PCDHGB3: variants seen among roughly 807,000 people sequenced by gnomAD.
PCDHGB3 encodes protocadherin gamma subfamily B, 3, also known as protocadherin gamma-B3.
PCDHGB3 carries 40 observed loss-of-function variants against 59.2 expected under a neutral mutation model. The ratio of observed to expected loss-of-function variants is 0.68; its 90% confidence interval spans 0.52 to 0.88. PCDHGB3 has a LOEUF of 0.88. PCDHGB3 is among the 40% of genes least tolerant of loss of function. The pLI, the probability that PCDHGB3 is intolerant of heterozygous loss-of-function variation, is 0.00. For synonymous variants in PCDHGB3, 581 were observed against 503.6 expected (o/e 1.15, Z -2.06); for missense variants, 1,309 against 1,187.9 (o/e 1.10, Z -1.50).
rs1281337319 is a variant in PCDHGB3, at chr5:141,393,186, G to A, written c.2415+20377G>A. ...CTTTGGGGTAGAAATAGAAATAATT[G>A]ATATTAACGATAATAACCCAAAATT... On this transcript the variant is annotated intron_variant, in intron 1 of 3. Transcript: ENST00000576222. 1.2e-6 allele frequency: 2 copies of A among 1,613,188 alleles called. No homozygotes were observed. The highest frequency in any genetic ancestry group is 3.3e-5 in the Admixed American group (2 of 59,998).
intron 1 of PCDHGB3, among the ~76,000 whole-genome samples, chr5:141,455,460 A>G (rs1175234914): frequency 1.3e-5 from 2 of 152,186 alleles, no homozygotes; most frequent in Non-Finnish European, 2.9e-5. Flanking sequence ...GATACCAGCC[A>G]GGTATATATG....
At position 141,494,854 on chromosome 5, in the gene PCDHGB3, C is replaced by T. The variant is rs1353498253; in HGVS notation, c.2463C>T (p.Pro821=). ...TDWRFSQAQR[P]GTSGSQNGDD... The stretch of plus-strand genomic sequence containing the variant: ...GGCGTTTCTCTCAGGCCCAGAGACC[C>T]GGCACCAGCGGGTAGGTGACTGATT... The change falls in exon 2 of 4, where the codon CCC becomes CCT. Residue 821 remains proline (P), a synonymous_variant. Coordinates refer to ENST00000576222, the MANE Select transcript of PCDHGB3 (RefSeq NM_018924.5). 1.2e-6 allele frequency: 2 copies of T among 1,614,120 alleles called. No homozygotes were observed. Among genetic ancestry groups the T allele is most frequent in the East Asian group, 2.2e-5 (1 of 44,870 alleles).
intron 1 of PCDHGB3, chr5:141,382,835 CG>C: frequency 7.0e-7 from 1 of 1,431,186 alleles, no homozygotes. Context: ...GGGGTCCACC[CG>C]GATACACCCG....
At chr5:141,454,666 A>G (rs1561955978) in intron 1 of PCDHGB3, among the ~76,000 whole-genome samples, 1 of 152,104 alleles carries the variant, frequency 6.6e-6, no homozygotes, top group Non-Finnish European at 1.5e-5. Context: ...TCGGCCTCCC[A>G]AAACACTGGG....
At chr5:141,394,733 G>A (rs1353984219) in intron 1 of PCDHGB3, 1 of 1,613,324 alleles carries the variant, frequency 6.2e-7, no homozygotes, top group South Asian at 1.1e-5. Flanking sequence ...CGCTCAAGCA[G>A]AGCCTCGTGG....
chr5:141,467,371 A>G, intron 1 of PCDHGB3, among the ~76,000 whole-genome samples: 1 of 151,906 alleles, frequency 6.6e-6, no homozygotes, highest in Non-Finnish European at 1.5e-5. Context: ...GTTTTCTTAT[A>G]TTGCATTTAG....
At position 141,494,885 on chromosome 5, in the gene PCDHGB3, G is replaced by T; in HGVS notation, c.2474+20G>T. The T allele has an allele frequency of 6.8e-6, 11 of 1,614,082 alleles. No homozygotes were observed. The highest frequency in any genetic ancestry group is 8.5e-6 in the Non-Finnish European group (10 of 1,179,992). Reference sequence around the variant, plus strand: ...CAGCGGGTAGGTGACTGATTCTCCAGCCCACCCTCTTCTCTGCGGCATTTT... The same window carrying T: ...CAGCGGGTAGGTGACTGATTCTCCATCCCACCCTCTTCTCTGCGGCATTTT... On this transcript the variant is annotated intron_variant, in intron 2 of 3. Transcript: ENST00000576222.
Position 141,399,568 on chromosome 5 carries a change from G to A in PCDHGB3, c.2415+26759G>A, listed in dbSNP as rs776963716. ...CTCGGACCTGGACTTGGGGTTGAAC[G>A]GCCAAGTCTCCTACTCTATCATGGC... is the stretch of plus-strand genomic sequence containing the variant. On this transcript the variant is annotated intron_variant, in intron 1 of 3. Transcript: ENST00000576222. The A allele has an allele frequency of 3.1e-6, 5 of 1,613,926 alleles. No individual in the cohort carries two copies. The East Asian group carries it at 8.9e-5, about 29-fold the overall frequency.
chr5:141,478,826 G>A, intron 1 of PCDHGB3: 2 of 1,439,244 alleles, frequency 1.4e-6, no homozygotes, highest in Non-Finnish European at 1.8e-6. Context: ...AACCAATCTT[G>A]CTAAGGGATG....
Position 141,423,691 on chromosome 5 carries a change from T to C in PCDHGB3, c.2415+50882T>C. On this transcript the variant is annotated intron_variant, in intron 1 of 3. Coordinates refer to ENST00000576222, the MANE Select transcript of PCDHGB3 (RefSeq NM_018924.5). Reference sequence around the variant, plus strand: ...ATTTATTTCTCTGCCTCCTAATTGTTGGTGTCTTGGCACAAGTCTTTTAAG... The same window carrying C: ...ATTTATTTCTCTGCCTCCTAATTGTCGGTGTCTTGGCACAAGTCTTTTAAG... 5 of 1,506,830 alleles carry C rather than the reference T, an allele frequency of 3.3e-6. No individual in the cohort carries two copies. The South Asian group carries it at 6.9e-5, about 21-fold the overall frequency. 93.3% of individuals were successfully genotyped at this position (1,506,830 alleles called of 1,614,324 possible).
At chr5:141,428,044 C>A in intron 1 of PCDHGB3, 1 of 1,608,790 alleles carries the variant, frequency 6.2e-7, no homozygotes, top group Non-Finnish European at 8.5e-7. Context: ...TACCTGGTGA[C>A]CAAGGTGGTG....
rs561359605 is a variant in PCDHGB3 at position 141,400,125 on chromosome 5, G to A, written c.2415+27316G>A. ...TGGTCTTTGCTGACAGCTTGCAGGA[G>A]GTGCTGCCGGATATCACTGACCGCC... On this transcript the variant is annotated intron_variant, in intron 1 of 3. Coordinates refer to ENST00000576222, the MANE Select transcript of PCDHGB3 (RefSeq NM_018924.5). The A allele has an allele frequency of 2.5e-4, 399 of 1,614,072 alleles. 3 individuals are homozygous for A. In the Admixed American group the frequency reaches 6.3e-3, roughly 26 times the overall value.
rs2099883868 is a variant in PCDHGB3 at position 141,511,590 on chromosome 5, A to G, written c.*417A>G. On this transcript the variant is annotated 3_prime_UTR_variant, in exon 4 of 4. Transcript: ENST00000576222. The stretch of plus-strand genomic sequence containing the variant: ...AGTAAGGTGGTTGGGGTGTTGAAGT[A>G]CCAAGTAACCTACAAGCCTCCTAGT... 3.7e-6 allele frequency: 1 copy of G among 267,908 alleles called. No individual in the cohort carries two copies. The highest frequency in any genetic ancestry group is 7.4e-6 in the Non-Finnish European group (1 of 135,038). 16.6% of individuals were successfully genotyped at this position (267,908 alleles called of 1,614,324 possible). A position where few individuals can be genotyped will look rare whatever the true frequency, so the allele number is the denominator to read the frequency against.
chr5:141,505,342 T>C (rs2099845433), intron 2 of PCDHGB3, 51 bp from the exon 3 acceptor site: 1 of 1,612,738 alleles, frequency 6.2e-7, no homozygotes, highest in African/African-American at 1.3e-5. Flanking sequence ...AGGAGGGGCA[T>C]GAGCTGTGCC....
rs780395794 is a variant in PCDHGB3, at chr5:141,489,685, G to A, written c.2416-5122G>A. ...GCGCATCTCAGAATCAGCAGCATCT[G>A]GGGCACGATTCCCACTGGACAGTGC... On this transcript the variant is annotated intron_variant, in intron 1 of 3. Coordinates refer to ENST00000576222, the MANE Select transcript of PCDHGB3 (RefSeq NM_018924.5). The surrounding 1 kb of genome is among the most constrained non-coding windows in gnomAD (Gnocchi z 4.5). 10 of 1,614,142 alleles carry A rather than the reference G, an allele frequency of 6.2e-6. No individual in the cohort carries two copies. The South Asian group carries it at 1.1e-4, about 18-fold the overall frequency.
intron 1 of PCDHGB3, among the ~76,000 whole-genome samples, chr5:141,459,532 TA>T (rs1031834752): frequency 6.6e-5 from 10 of 152,354 alleles, no homozygotes; most frequent in East Asian, 3.9e-4. Context: ...TTTGTAGGCA[TA>T]TTTTTTTTAT....
At chr5:141,404,231 A>G (rs1403622769) in intron 1 of PCDHGB3, 1 of 1,613,928 alleles carries the variant, frequency 6.2e-7, no homozygotes, top group Non-Finnish European at 8.5e-7. Context: ...TGCAACAGAC[A>G]GAGGAACTCC....
In PCDHGB3 at chr5:141,485,115, G is replaced by T. The variant is rs1043877839; in HGVS notation, c.2416-9692G>T. On this transcript the variant is annotated intron_variant, in intron 1 of 3. Transcript: ENST00000576222. This position sits in a 1 kb window ranked among gnomAD's most constrained non-coding sequence, Gnocchi z 5.7. ...GTGTCTCCAGCTGCTGTGGCTGTTT[G>T]GGGCGGGTCGGCTTCATCCGCGTCT... The T allele has an allele frequency of 3.8e-6, 5 of 1,300,464 alleles. No homozygotes were observed. The African/African-American group carries it at 5.8e-5, about 15-fold the overall frequency. The allele number at this position is 1,300,464 out of a possible 1,614,324, so 80.6% of individuals were successfully genotyped here.
At position 141,371,025 on chromosome 5, in the gene PCDHGB3, G is replaced by T. The variant is rs752262300; in HGVS notation, c.631G>T (p.Val211Phe). ...GGAAGAGCAGCCACATCACCACCTG[G>T]TCCTCACAGCTGTGGATGGGGGCGA... ...DREEQPHHHL[V>F]LTAVDGGEPS... Residue 211 changes from valine to phenylalanine, a missense_variant, in exon 1 of 4, where the codon GTC becomes TTC. Coordinates refer to ENST00000576222, the MANE Select transcript of PCDHGB3 (RefSeq NM_018924.5). The T allele has an allele frequency of 5.6e-6, 9 of 1,613,988 alleles. No homozygotes were observed. The highest frequency in any genetic ancestry group is 1.3e-5 in the African/African-American group (1 of 75,066).
Sources: allele counts gnomAD v4.1 joint callset (sites outside exome capture counted in the v4.1 genomes callset), GRCh38; gene constraint gnomAD v4.1.1; non-coding constraint Gnocchi (gnomAD v3.1); transcripts MANE v1.5; gene names NCBI Gene and HGNC (gene_info 2026-07-23, HGNC 2026-07-21).